UBE2E2: variants seen among roughly 807,000 people sequenced by gnomAD.
The protein encoded by UBE2E2 is ubiquitin-conjugating enzyme E2 E2.
Under a neutral mutation model 24.7 loss-of-function variants are expected in UBE2E2, and 6 were observed. That is an observed-to-expected ratio of 0.24 (90% CI 0.13 to 0.48). The LOEUF (loss-of-function observed/expected upper bound fraction) is 0.48. Among genes scored for constraint, UBE2E2 ranks in the 20% least tolerant of loss-of-function variants. The pLI is 0.99. For missense variants in UBE2E2, 169 were observed against 245.0 expected (o/e 0.69, Z 2.07); for synonymous variants, 104 against 83.6 (o/e 1.24, Z -1.33).
rs1575465966 is a variant in UBE2E2, at chr3:23,203,331, T to A, written c.-142T>A. 2 of 986,394 alleles carry A rather than the reference T, an allele frequency of 2.0e-6. No homozygotes were observed. The highest frequency in any genetic ancestry group is 2.3e-4 in the East Asian group (2 of 8,708). The allele number at this position is 986,394 out of a possible 1,614,324, so 61.1% of individuals were successfully genotyped here. ...GGGTGCGTGGTGCGTGGGTCCGGCT[T>A]TCGGTGACTAGACGGTCCGCAGGGG... On this transcript the variant is annotated 5_prime_UTR_variant, in exon 1 of 6. Transcript: ENST00000396703.
rs1698464344 is a variant in UBE2E2 at position 23,280,270 on chromosome 3, T to C, written c.227+62958T>C. Among the ~76,000 whole-genome samples the C allele has an allele frequency of 6.6e-6, 1 of 152,222 alleles. No homozygotes were observed. Reference sequence around the variant, plus strand: ...AACCCTTTTATTTGTGACTCTTTTTTGGTATTCAGAATTGCACCCCTTAGT... The same window carrying C: ...AACCCTTTTATTTGTGACTCTTTTTCGGTATTCAGAATTGCACCCCTTAGT... On this transcript the variant is annotated intron_variant, in intron 3 of 5. Coordinates refer to ENST00000396703, the MANE Select transcript of UBE2E2 (RefSeq NM_152653.4). The surrounding 1 kb of genome is among the most constrained non-coding windows in gnomAD (Gnocchi z 4.3).
intron 3 of UBE2E2, among the ~76,000 whole-genome samples, chr3:23,471,106 G>A (rs1699025604): frequency 6.6e-6 from 1 of 152,018 alleles, no homozygotes; most frequent in Non-Finnish European, 1.5e-5. Flanking sequence ...ATAAATCTGT[G>A]GTTTCAAAGG....
chr3:23,244,546 G>C (rs1697338309), intron 3 of UBE2E2, among the ~76,000 whole-genome samples: 1 of 152,164 alleles, frequency 6.6e-6, no homozygotes, highest in African/African-American at 2.4e-5. Flanking sequence ...TTATAGCTGA[G>C]TACTAGAACA....
intron 3 of UBE2E2, among the ~76,000 whole-genome samples, chr3:23,420,361 G>A (rs1452019169): frequency 1.3e-5 from 2 of 152,172 alleles, no homozygotes; most frequent in East Asian, 1.9e-4. Context: ...GGATCAGAAA[G>A]TCTAAAAGAA....
rs7644280 is a variant in UBE2E2, at chr3:23,291,188, C to T, written c.227+73876C>T. ...CATAGCTTGGCCAGATAAGGGACTTCTAGGTAGAACCATGCACAAAAAGGT... is the reference window on the plus strand; with the variant it reads ...CATAGCTTGGCCAGATAAGGGACTTTTAGGTAGAACCATGCACAAAAAGGT... On this transcript the variant is annotated intron_variant, in intron 3 of 5. Transcript: ENST00000396703. Among the ~76,000 whole-genome samples the T allele has an allele frequency of 5.1e-3, 772 of 151,880 alleles. 8 individuals carry two copies. The highest frequency in any genetic ancestry group is 0.018 in the African/African-American group (739 of 41,416).
chr3:23,421,259 C>G (rs572269662), intron 3 of UBE2E2, among the ~76,000 whole-genome samples: 1 of 152,250 alleles, frequency 6.6e-6, no homozygotes, highest in East Asian at 1.9e-4. Flanking sequence ...TAGGTGATGG[C>G]TGGTATCTGT....
chr3:23,475,808 G>C (rs1297514663), intron 3 of UBE2E2, among the ~76,000 whole-genome samples: 1 of 152,024 alleles, frequency 6.6e-6, no homozygotes, highest in Non-Finnish European at 1.5e-5. Context: ...CAACCCACCA[G>C]AACAGGCAAG....
chr3:23,383,169 A>T (rs1313692794), intron 3 of UBE2E2, among the ~76,000 whole-genome samples: 1 of 152,220 alleles, frequency 6.6e-6, no homozygotes, highest in African/African-American at 2.4e-5. Flanking sequence ...TGTAGGGGTC[A>T]GGGACTCAGG....
At chr3:23,475,255 T>C (rs1234628345) in intron 3 of UBE2E2, among the ~76,000 whole-genome samples, 1 of 152,050 alleles carries the variant, frequency 6.6e-6, no homozygotes, top group African/African-American at 2.4e-5. Context: ...AATCCACTCA[T>C]AGGGGTTATA....
intron 3 of UBE2E2, among the ~76,000 whole-genome samples, chr3:23,255,193 C>T (rs1257298973): frequency 6.6e-6 from 1 of 150,730 alleles, no homozygotes; most frequent in Non-Finnish European, 1.5e-5. Context: ...AAGCGACCCT[C>T]CCACATCAGC....
chr3:23,453,640 T>C (rs1351953801), intron 3 of UBE2E2, among the ~76,000 whole-genome samples: 2 of 152,212 alleles, frequency 1.3e-5, no homozygotes, highest in Non-Finnish European at 2.9e-5. Context: ...AAGGGAATCA[T>C]TGATGATCTT....
intron 3 of UBE2E2, among the ~76,000 whole-genome samples, chr3:23,292,773 A>T (rs1698802528): frequency 6.6e-6 from 1 of 152,152 alleles, no homozygotes; most frequent in African/African-American, 2.4e-5. Flanking sequence ...TTTTGTTCGC[A>T]GTTAAAATCA....
intron 5 of UBE2E2, among the ~76,000 whole-genome samples, chr3:23,536,192 GTTTC>G (rs1232832173): frequency 3.9e-5 from 6 of 152,048 alleles, no homozygotes; most frequent in African/African-American, 7.2e-5. Flanking sequence ...TATGAAATCT[GTTTC>G]TTTAACAATT....
At chr3:23,338,088 G>A (rs1031132511) in intron 3 of UBE2E2, among the ~76,000 whole-genome samples, 5 of 152,124 alleles carry the variant, frequency 3.3e-5, no homozygotes, top group African/African-American at 1.2e-4. Flanking sequence ...TTTCTTCCTG[G>A]TGTTGCTATC....
chr3:23,248,141 C>T (rs1470224326), intron 3 of UBE2E2, among the ~76,000 whole-genome samples: 1 of 152,060 alleles, frequency 6.6e-6, no homozygotes, highest in East Asian at 1.9e-4. Context: ...TTTTTTCTTC[C>T]ATCAAAAAAG....
intron 3 of UBE2E2, among the ~76,000 whole-genome samples, chr3:23,455,133 C>T (rs939312374): frequency 3.9e-5 from 6 of 152,130 alleles, no homozygotes; most frequent in Admixed American, 6.5e-5. Context: ...TCCCTGCATG[C>T]GAGGTAAATA....
intron 3 of UBE2E2, among the ~76,000 whole-genome samples, chr3:23,486,454 C>T (rs988864001): frequency 5.9e-5 from 9 of 152,094 alleles, no homozygotes; most frequent in African/African-American, 1.9e-4. Context: ...TTTCTCTTTG[C>T]CCACAGCATG....
intron 4 of UBE2E2, among the ~76,000 whole-genome samples, chr3:23,509,708 C>T (rs559547947): frequency 1.1e-3 from 162 of 150,598 alleles, no homozygotes; most frequent in African/African-American, 3.9e-3. Flanking sequence ...GGTATATCTC[C>T]GAATGCTATC....
chr3:23,349,720 A>G (rs1000096955), intron 3 of UBE2E2, among the ~76,000 whole-genome samples: 1 of 152,228 alleles, frequency 6.6e-6, no homozygotes, highest in Non-Finnish European at 1.5e-5. Flanking sequence ...TAGGTAAACA[A>G]AGCAGCCAGG....
Sources: gnomAD v4.1 joint callset for allele counts (sites outside exome capture counted in the v4.1 genomes callset) on GRCh38, gnomAD v4.1.1 for gene constraint, Gnocchi (gnomAD v3.1) non-coding constraint, MANE v1.5 for transcripts, NCBI Gene and HGNC (gene_info 2026-07-23, HGNC 2026-07-21) for gene names.